The following IQGAP2 variants were observed in gnomAD, a reference collection of about 807,000 sequenced individuals.
The protein encoded by IQGAP2 is IQ motif containing GTPase activating protein 2, also known as ras GTPase-activating-like protein IQGAP2.
In IQGAP2, 173 loss-of-function variants were observed where a neutral mutation model predicts 201.3. That is an observed-to-expected ratio of 0.86 (90% CI 0.76 to 0.98). The LOEUF (loss-of-function observed/expected upper bound fraction) is 0.98, where lower values mean the gene tolerates loss of function less well. IQGAP2 is among the 50% of genes least tolerant of loss of function. IQGAP2 has a pLI of 0.00. For synonymous variants in IQGAP2, 675 were observed against 673.9 expected (o/e 1.00, Z -0.03); for missense variants, 1,687 against 1,864.8 (o/e 0.90, Z 1.76).
intron 1 of IQGAP2, among the ~76,000 whole-genome samples, chr5:76,408,007 T>G (rs1409346218): frequency 6.6e-6 from 1 of 152,156 alleles, no homozygotes; most frequent in Non-Finnish European, 1.5e-5. Context: ...AGTGCATGCC[T>G]GTAATCCCAG....
intron 1 of IQGAP2, among the ~76,000 whole-genome samples, chr5:76,443,253 A>G (rs1302894966): frequency 1.3e-5 from 2 of 152,220 alleles, no homozygotes; most frequent in Non-Finnish European, 2.9e-5. Flanking sequence ...TCATTTCAAC[A>G]TAACAGTTCT....
intron 22 of IQGAP2, among the ~76,000 whole-genome samples, chr5:76,667,012 G>T (rs1225593318): frequency 1.3e-5 from 2 of 152,104 alleles, no homozygotes; most frequent in South Asian, 4.2e-4. Context: ...TCCTCCTAAA[G>T]CACTAGGATT....
At chr5:76,690,395 T>C (rs1458577924) in intron 30 of IQGAP2, among the ~76,000 whole-genome samples, 1 of 152,206 alleles carries the variant, frequency 6.6e-6, no homozygotes, top group East Asian at 1.9e-4. Flanking sequence ...GGAAAGGGAA[T>C]TGGACTTGTT....
chr5:76,488,825 T>G (rs1756334913), intron 2 of IQGAP2, among the ~76,000 whole-genome samples: 1 of 152,184 alleles, frequency 6.6e-6, no homozygotes, highest in African/African-American at 2.4e-5. Context: ...GTTTCTGCTT[T>G]CAGATTCTCT....
chr5:76,683,754 A>T (rs781308175), intron 29 of IQGAP2, 22 bp from the exon 30 acceptor site: 1 of 1,597,390 alleles, frequency 6.3e-7, no homozygotes, highest in Admixed American at 1.7e-5. Flanking sequence ...TGGAAAAATA[A>T]CACTAGGTTT....
At chr5:76,643,344 A>C (rs963779806) in intron 17 of IQGAP2, among the ~76,000 whole-genome samples, 4 of 152,240 alleles carry the variant, frequency 2.6e-5, no homozygotes, top group African/African-American at 9.6e-5. Context: ...GACACAAAAA[A>C]CTTCAGAAAA....
At chr5:76,556,659 G>A (rs112580597) in intron 2 of IQGAP2, among the ~76,000 whole-genome samples, 1,793 of 152,252 alleles carry the variant, frequency 0.012, 29 homozygotes, top group African/African-American at 0.041. Flanking sequence ...TTCATTGTGA[G>A]GGATTTTAAT....
intron 20 of IQGAP2, among the ~76,000 whole-genome samples, chr5:76,657,743 A>G (rs1217530491): frequency 6.6e-6 from 1 of 152,176 alleles, no homozygotes; most frequent in African/African-American, 2.4e-5. Flanking sequence ...ATTAAAGCCT[A>G]AAGTTCCAGG....
intron 2 of IQGAP2, among the ~76,000 whole-genome samples, chr5:76,480,846 A>G (rs970139640): frequency 6.7e-6 from 1 of 149,732 alleles, no homozygotes; most frequent in South Asian, 2.1e-4. Flanking sequence ...CCTGAGACTG[A>G]GTAACTTATA....
chr5:76,450,522 A>T (rs1561380626), intron 1 of IQGAP2, among the ~76,000 whole-genome samples: 2 of 152,128 alleles, frequency 1.3e-5, no homozygotes, highest in Non-Finnish European at 2.9e-5. Flanking sequence ...AGGTAATAAT[A>T]GGAGGTAATA....
At chr5:76,421,635 G>A (rs893027529) in intron 1 of IQGAP2, among the ~76,000 whole-genome samples, 1 of 152,052 alleles carries the variant, frequency 6.6e-6, no homozygotes, top group Non-Finnish European at 1.5e-5. Context: ...AATAGGTGTG[G>A]CAAAATTTAC....
intron 13 of IQGAP2, among the ~76,000 whole-genome samples, chr5:76,626,022 G>T (rs533807162): frequency 2.6e-5 from 4 of 152,158 alleles, no homozygotes; most frequent in Admixed American, 6.5e-5. Context: ...TTTGTAGCAG[G>T]ACCATCAGAA....
intron 9 of IQGAP2, among the ~76,000 whole-genome samples, chr5:76,595,149 T>G (rs1377905817): frequency 4.6e-5 from 7 of 152,008 alleles, no homozygotes; most frequent in East Asian, 1.9e-4. Flanking sequence ...TTGTTCACAT[T>G]ATAACCCTTT....
At chr5:76,610,247 C>T (rs1319702361) in intron 12 of IQGAP2, among the ~76,000 whole-genome samples, 1 of 145,882 alleles carries the variant, frequency 6.9e-6, no homozygotes, top group Admixed American at 7.0e-5. Context: ...ATTCTCCTAC[C>T]TCAGCCTCCC....
intron 21 of IQGAP2, among the ~76,000 whole-genome samples, chr5:76,659,305 G>T (rs1048932851): frequency 6.6e-6 from 1 of 152,130 alleles, no homozygotes; most frequent in African/African-American, 2.4e-5. Context: ...GATATTTAAA[G>T]AGTAATTAAT....
At position 76,550,228 on chromosome 5, in the gene IQGAP2, G is replaced by A. The variant is rs561157299; in HGVS notation, c.147-12168G>A. Among the ~76,000 whole-genome samples the A allele has an allele frequency of 1.4e-3, 207 of 152,236 alleles. 1 individual carries two copies. The highest frequency in any genetic ancestry group is 2.2e-3 in the Non-Finnish European group (150 of 68,014). On this transcript the variant is annotated intron_variant, in intron 2 of 35. Coordinates refer to ENST00000274364, the MANE Select transcript of IQGAP2 (RefSeq NM_006633.5). ...GGGAAAACTTGGAAGGAAGAAAAAA[G>A]GGTCATGGGTCCAAAGCAAGTCCAA...
intron 2 of IQGAP2, among the ~76,000 whole-genome samples, chr5:76,505,547 G>A (rs2150174628): frequency 6.6e-6 from 1 of 152,202 alleles, no homozygotes; most frequent in East Asian, 1.9e-4. Context: ...ATTTCCTTAG[G>A]GTCATTTCTT....
chr5:76,662,769 C>T (rs1301822935), intron 21 of IQGAP2, among the ~76,000 whole-genome samples: 1 of 152,244 alleles, frequency 6.6e-6, no homozygotes, highest in Admixed American at 6.5e-5. Flanking sequence ...GGTAACTGCA[C>T]TTCCTTTCTT....
intron 30 of IQGAP2, among the ~76,000 whole-genome samples, chr5:76,689,008 G>T: frequency 6.6e-6 from 1 of 151,910 alleles, no homozygotes; most frequent in East Asian, 1.9e-4. Flanking sequence ...ATTGTTCTTT[G>T]CATTCTTAGG....
Sources: gnomAD v4.1 joint callset for allele counts (sites outside exome capture counted in the v4.1 genomes callset) on GRCh38, gnomAD v4.1.1 for gene constraint, MANE v1.5 for transcripts, NCBI Gene and HGNC (gene_info 2026-07-23, HGNC 2026-07-21) for gene names.